Variants in VRTN observed in about 807,000 individuals in gnomAD.
VRTN encodes the protein vertebrae development associated.
VRTN carries 5 observed loss-of-function variants against 18.2 expected under a neutral mutation model. The ratio of observed to expected loss-of-function variants is 0.27; its 90% CI spans 0.14 to 0.58. The LOEUF (loss-of-function observed/expected upper bound fraction) is 0.58, where lower values mean the gene tolerates loss of function less well. Ranked by LOEUF, VRTN falls within the 20% of genes least tolerant of loss-of-function variation. VRTN has a pLI of 0.91. For synonymous variants in VRTN, 381 were observed against 393.7 expected, an observed-to-expected ratio of 0.97 and a Z score of 0.38; for missense variants, 741 against 939.4, an observed-to-expected ratio of 0.79 and a Z score of 2.76.
At chr14:74,341,603 T>A (rs2085606087) in intron 2 of VRTN, among the ~76,000 whole-genome samples, 1 of 152,188 alleles carries the variant, frequency 6.6e-6, no homozygotes, top group Non-Finnish European at 1.5e-5. Flanking sequence ...ACTGCAACCT[T>A]CGCTTCCTGG....
At chr14:74,319,655 T>C (rs1467526766) in intron 1 of VRTN, among the ~76,000 whole-genome samples, 1 of 152,278 alleles carries the variant, frequency 6.6e-6, no homozygotes, top group East Asian at 1.9e-4. Context: ...GGACACCCAG[T>C]GGTGATGTTA....
intron 1 of VRTN, among the ~76,000 whole-genome samples, chr14:74,328,152 TC>T (rs2085499306): frequency 6.6e-6 from 1 of 152,070 alleles, no homozygotes; most frequent in Non-Finnish European, 1.5e-5. Flanking sequence ...ACCTCCAACT[TC>T]CTGGGTTATG....
intron 1 of VRTN, among the ~76,000 whole-genome samples, chr14:74,311,054 G>A (rs1024593005): frequency 6.6e-6 from 1 of 152,032 alleles, no homozygotes; most frequent in African/African-American, 2.4e-5. Context: ...TTGTTTCGAG[G>A]AATAAACAAG....
At position 74,359,556 on chromosome 14, in the gene VRTN, A is replaced by G. The variant is rs1344766718; in HGVS notation, c.*664A>G. ...AGAAAGAAAATCAAATGTAGAGCTG[A>G]TCAGCAGCTTGTGCCTGGCATCCCC... On this transcript the variant is annotated 3_prime_UTR_variant, in exon 2 of 2. Transcript: ENST00000256362. 1 of 167,122 alleles carries G rather than the reference A, an allele frequency of 6.0e-6. No homozygotes were observed. The highest frequency in any genetic ancestry group is 1.5e-5 in the Non-Finnish European group (1 of 68,192). The allele number at this position is 167,122 out of a possible 1,614,324, so 10.4% of individuals were successfully genotyped here.
chr14:74,344,481 C>T (rs569600560), upstream of VRTN, among the ~76,000 whole-genome samples: 105 of 149,450 alleles, frequency 7.0e-4, no homozygotes, highest in Middle Eastern at 3.5e-3. Context: ...ACCTGTAATC[C>T]TAGCACTTTG....
intron 1 of VRTN, among the ~76,000 whole-genome samples, chr14:74,324,387 C>CAAAAAA (rs34158619): frequency 4.1e-5 from 3 of 73,178 alleles, no homozygotes; most frequent in Non-Finnish European, 5.4e-5. Context: ...GACTCTGACT[C>CAAAAAA]AAAAAAAAAA....
chr14:74,330,426 C>G (rs1442945016), intron 1 of VRTN, among the ~76,000 whole-genome samples: 2 of 149,086 alleles, frequency 1.3e-5, no homozygotes, highest in Non-Finnish European at 3.0e-5. Flanking sequence ...AAGTATAGCC[C>G]TTAGCAGTAT....
At chr14:74,324,672 G>T (rs1302205218) in intron 1 of VRTN, among the ~76,000 whole-genome samples, 4 of 152,030 alleles carry the variant, frequency 2.6e-5, no homozygotes, top group African/African-American at 9.7e-5. Flanking sequence ...ATGCTCACTT[G>T]AGCCCGGTAG....
At chr14:74,330,981 C>T (rs762302786) in intron 1 of VRTN, among the ~76,000 whole-genome samples, 78 of 150,616 alleles carry the variant, frequency 5.2e-4, no homozygotes, top group Admixed American at 3.3e-3. Context: ...GGGTGGATCA[C>T]GAGGTCAGGA....
upstream of VRTN, among the ~76,000 whole-genome samples, chr14:74,348,194 C>G (rs1245805217): frequency 1.3e-5 from 2 of 152,168 alleles, no homozygotes; most frequent in African/African-American, 4.8e-5. Flanking sequence ...CTAGGTCTTT[C>G]GATCTGAACC....
rs1406622083 is a variant in VRTN, at chr14:74,359,183, GTTGGCCCCCTTGC to G, written c.*293_*305del. 2.5e-6 allele frequency: 1 copy of G among 396,090 alleles called. No individual in the cohort carries two copies. The highest frequency in any genetic ancestry group is 4.3e-6 in the Non-Finnish European group (1 of 233,878). The allele number at this position is 396,090 out of a possible 1,614,324, so 24.5% of individuals were successfully genotyped here. ...TTTTGGTTTTGATTTGAGTGGGTTG[GTTGGCCCCCTTGC>G]TGGAGTTGGAAGCCGTATGTATGTC... On this transcript the variant is annotated 3_prime_UTR_variant, in exon 2 of 2. Coordinates refer to ENST00000256362, the MANE Select transcript of VRTN (RefSeq NM_018228.3).
intron 1 of VRTN, among the ~76,000 whole-genome samples, chr14:74,329,356 C>T (rs1199404981): frequency 1.3e-5 from 2 of 151,648 alleles, no homozygotes; most frequent in Non-Finnish European, 2.9e-5. Flanking sequence ...TCCAGTGATC[C>T]TCCCATCTCA....
intron 1 of VRTN, 74 bp from the exon 2 acceptor site, chr14:74,356,709 G>C: frequency 6.7e-7 from 1 of 1,498,048 alleles, no homozygotes; most frequent in Non-Finnish European, 8.9e-7. Context: ...TGCAGGAGTG[G>C]ACAGGGCACC....
chr14:74,333,652 C>T (rs1372944468), intron 1 of VRTN, among the ~76,000 whole-genome samples: 1 of 151,940 alleles, frequency 6.6e-6, no homozygotes, highest in African/African-American at 2.4e-5. Context: ...CCAGCCTGAT[C>T]AACATGGTGA....
intron 1 of VRTN, among the ~76,000 whole-genome samples, chr14:74,334,061 G>A (rs2085547250): frequency 6.6e-6 from 1 of 152,178 alleles, no homozygotes; most frequent in Non-Finnish European, 1.5e-5. Flanking sequence ...GTTCACACAA[G>A]TAGTAAGTGG....
chr14:74,357,543 G>A lies in VRTN; in HGVS notation c.760G>A (p.Val254Met), dbSNP rs1027923829. 19 of 1,613,586 alleles carry A rather than the reference G, an allele frequency of 1.2e-5. No individual in the cohort carries two copies. Among genetic ancestry groups the A allele is most frequent in the Admixed American group, 5.0e-5 (3 of 60,012 alleles). Reference sequence around the variant, plus strand: ...GGTGGAGGCTGAAGGTGCCCCTGGCGTGGCCCCAGCTCTTCCAGCCCTGGC... The same window carrying A: ...GGTGGAGGCTGAAGGTGCCCCTGGCATGGCCCCAGCTCTTCCAGCCCTGGC... ...EEVEAEGAPG[V>M]APALPALAPL... The change falls in exon 2 of 2, where the codon GTG becomes ATG. Residue 254 changes from valine to methionine, a missense_variant. By Grantham distance (21) the Val-to-Met change is conservative. Coordinates refer to ENST00000256362, the MANE Select transcript of VRTN (RefSeq NM_018228.3). The surrounding 1 kb of genome is among the most constrained non-coding windows in gnomAD (Gnocchi z 7.8).
In VRTN at chr14:74,357,439, A is replaced by C; in HGVS notation, c.656A>C (p.His219Pro). ...RRCDHVPSTL[H>P]IMWAGQPLTS... is the part of the protein sequence containing the mutation. ...TGCGACCACGTGCCCTCCACGCTGC[A>C]CATCATGTGGGCTGGCCAGCCCCTC... Residue 219 changes from histidine to proline, a missense_variant, in exon 2 of 2, where the codon CAC (histidine) becomes CCC (proline). His to Pro is a moderately conservative substitution (Grantham distance 77). Transcript: ENST00000256362. This position sits in a 1 kb window ranked among gnomAD's most constrained non-coding sequence, Gnocchi z 7.8. The C allele has an allele frequency of 6.2e-7, 1 of 1,612,286 alleles. No homozygotes were observed. Among genetic ancestry groups the C allele is most frequent in the Non-Finnish European group, 8.5e-7 (1 of 1,180,012 alleles).
intron 1 of VRTN, among the ~76,000 whole-genome samples, chr14:74,311,211 A>C (rs891329951): frequency 6.6e-6 from 1 of 152,198 alleles, no homozygotes; most frequent in African/African-American, 2.4e-5. Flanking sequence ...ATGTGGTTAA[A>C]AAAAATTTTG....
chr14:74,322,604 CT>C (rs2085463472), intron 1 of VRTN, among the ~76,000 whole-genome samples: 1 of 152,212 alleles, frequency 6.6e-6, no homozygotes, highest in South Asian at 2.1e-4. Context: ...TGCTCCCACC[CT>C]GTCCCTCTGC....
Sources: allele counts gnomAD v4.1 joint callset (sites outside exome capture counted in the v4.1 genomes callset), GRCh38; gene constraint gnomAD v4.1.1; non-coding constraint Gnocchi (gnomAD v3.1); transcripts MANE v1.5; gene names NCBI Gene and HGNC (gene_info 2026-07-23, HGNC 2026-07-21).